PTPRG: variants seen among roughly 807,000 people sequenced by gnomAD.
PTPRG encodes the protein receptor-type tyrosine-protein phosphatase gamma.
A neutral mutation model predicts 165.3 loss-of-function variants in PTPRG; 102 were observed. That is an observed-to-expected ratio of 0.62 (90% CI 0.53 to 0.73). The LOEUF (loss-of-function observed/expected upper bound fraction) is 0.73. PTPRG is among the 30% of genes least tolerant of loss of function. The pLI is 0.00. For synonymous variants in PTPRG, 675 were observed against 669.5 expected (o/e 1.01, Z -0.13); for missense variants, 1,866 against 1,861.4 (o/e 1.00, Z -0.05).
intron 2 of PTPRG, among the ~76,000 whole-genome samples, chr3:61,801,633 G>A (rs921748110): frequency 1.3e-5 from 2 of 152,088 alleles, no homozygotes; most frequent in South Asian, 2.1e-4. Context: ...CCTCAGTGAG[G>A]GTTGGGTTCC....
intron 1 of PTPRG, among the ~76,000 whole-genome samples, chr3:61,738,450 A>T (rs944970871): frequency 2.6e-5 from 4 of 151,342 alleles, no homozygotes; most frequent in South Asian, 2.1e-4. Context: ...TCAAATACCA[A>T]AGTTAGGTGA....
chr3:62,030,748 A>C (rs7642746), intron 4 of PTPRG, among the ~76,000 whole-genome samples: 21,859 of 152,182 alleles, frequency 0.14, 1,762 homozygotes, highest in Admixed American at 0.23. Flanking sequence ...AAGTCTGAGG[A>C]TATGTGAGTC....
intron 2 of PTPRG, among the ~76,000 whole-genome samples, chr3:61,902,925 T>C (rs1170326745): frequency 6.6e-6 from 1 of 151,794 alleles, no homozygotes. Flanking sequence ...ACTAGGAGAG[T>C]CGCCCCTCAA....
At chr3:61,786,059 A>G (rs969359893) in intron 2 of PTPRG, among the ~76,000 whole-genome samples, 2 of 152,182 alleles carry the variant, frequency 1.3e-5, no homozygotes, top group African/African-American at 4.8e-5. Flanking sequence ...ACCTTAAATG[A>G]ACATCATGTG....
chr3:61,673,613 A>G lies in PTPRG; in HGVS notation c.86-75265A>G, dbSNP rs138724977. 5.6e-3 allele frequency among the ~76,000 whole-genome samples: 857 copies of G among 152,328 alleles called. 9 individuals carry two copies. The highest frequency in any genetic ancestry group is 0.019 in the African/African-American group (794 of 41,552). On this transcript the variant is annotated intron_variant, in intron 1 of 29. Coordinates refer to ENST00000474889, the MANE Select transcript of PTPRG (RefSeq NM_002841.4). ...CTAGTTTATTATTACTGTTTGTATA[A>G]ATCTATGCAAGTACAAGTGCAATTG... is the stretch of plus-strand genomic sequence containing the variant.
At chr3:61,697,592 A>G (rs1191644743) in intron 1 of PTPRG, among the ~76,000 whole-genome samples, 11 of 152,352 alleles carry the variant, frequency 7.2e-5, no homozygotes, top group Admixed American at 5.9e-4. Flanking sequence ...CTTTATCTGC[A>G]TAATAAGATA....
rs116414585 is a variant in PTPRG, at chr3:62,030,459, T to C, written c.519+26962T>C. Reference sequence around the variant, plus strand: ...TTAATGAATGCTACATTTGCATAAATTGAAAGTTTCATTCTATGGACTTAT... The same window carrying C: ...TTAATGAATGCTACATTTGCATAAACTGAAAGTTTCATTCTATGGACTTAT... On this transcript the variant is annotated intron_variant, in intron 4 of 29. Transcript: ENST00000474889. Among the ~76,000 whole-genome samples the C allele has an allele frequency of 8.9e-3, 1,354 of 152,294 alleles. 23 individuals are homozygous for C. The highest frequency in any genetic ancestry group is 0.031 in the African/African-American group (1,307 of 41,556).
At chr3:61,624,469 T>A (rs1407454709) in intron 1 of PTPRG, among the ~76,000 whole-genome samples, 1 of 152,204 alleles carries the variant, frequency 6.6e-6, no homozygotes, top group Non-Finnish European at 1.5e-5. Flanking sequence ...GCATTTTAGA[T>A]ACGAAATGTA....
intron 2 of PTPRG, among the ~76,000 whole-genome samples, chr3:61,923,148 G>A (rs1005403038): frequency 6.6e-6 from 1 of 152,136 alleles, no homozygotes. Flanking sequence ...TTAAGTTAAT[G>A]CTGTGACATA....
intron 2 of PTPRG, among the ~76,000 whole-genome samples, chr3:61,954,336 A>G (rs959205159): frequency 6.6e-6 from 1 of 152,062 alleles, no homozygotes; most frequent in Non-Finnish European, 1.5e-5. Context: ...TGGGAAATGT[A>G]TTGGTGGTAA....
intron 4 of PTPRG, among the ~76,000 whole-genome samples, chr3:62,034,599 A>G (rs1409888989): frequency 1.3e-5 from 2 of 152,218 alleles, no homozygotes; most frequent in African/African-American, 4.8e-5. Context: ...AGAGGTAGAT[A>G]TCCATTAAAA....
At chr3:62,062,676 TG>T (rs66680470) in intron 4 of PTPRG, among the ~76,000 whole-genome samples, 100,333 of 151,088 alleles carry the variant, frequency 0.66, 34,463 homozygotes, top group South Asian at 0.86. Flanking sequence ...TTTATGGCAT[TG>T]TTTTTTTTAA....
intron 2 of PTPRG, among the ~76,000 whole-genome samples, chr3:61,881,704 C>G (rs1479322090): frequency 1.3e-5 from 2 of 152,172 alleles, no homozygotes; most frequent in African/African-American, 4.8e-5. Flanking sequence ...CTCTCCTCTC[C>G]CTCCTATATA....
At chr3:61,986,872 A>G (rs559104450) in intron 2 of PTPRG, among the ~76,000 whole-genome samples, 2 of 152,266 alleles carry the variant, frequency 1.3e-5, no homozygotes, top group South Asian at 4.1e-4. Flanking sequence ...TTAAGTGTTC[A>G]TCTCTTCCCA....
intron 2 of PTPRG, chr3:61,750,773 T>C (rs544749898): frequency 2.0e-5 from 3 of 152,222 alleles, no homozygotes; most frequent in Non-Finnish European, 4.4e-5. Context: ...ATAATTTTCA[T>C]GTGTCAGGAA....
At chr3:61,614,418 C>T (rs1484537153) in intron 1 of PTPRG, among the ~76,000 whole-genome samples, 6 of 117,694 alleles carry the variant, frequency 5.1e-5, no homozygotes, top group South Asian at 2.9e-4. Context: ...TTAATAATAC[C>T]TTTTTTTTTT....
intron 2 of PTPRG, among the ~76,000 whole-genome samples, chr3:61,915,779 G>A (rs1170029849): frequency 6.6e-6 from 1 of 152,136 alleles, no homozygotes; most frequent in East Asian, 1.9e-4. Context: ...ATCACAGAGG[G>A]TAAGATTGGT....
intron 2 of PTPRG, among the ~76,000 whole-genome samples, chr3:61,757,002 G>A (rs2033655750): frequency 6.6e-6 from 1 of 152,112 alleles, no homozygotes; most frequent in Non-Finnish European, 1.5e-5. Flanking sequence ...TCTGAAACAC[G>A]TGTGCATGTC....
At chr3:61,592,409 T>C (rs1700592954) in intron 1 of PTPRG, among the ~76,000 whole-genome samples, 1 of 152,148 alleles carries the variant, frequency 6.6e-6, no homozygotes, top group African/African-American at 2.4e-5. Context: ...AATACAATGT[T>C]GGATGAGCCC....
Sources: gnomAD v4.1 joint callset for allele counts (sites outside exome capture counted in the v4.1 genomes callset) on GRCh38, gnomAD v4.1.1 for gene constraint, MANE v1.5 for transcripts, NCBI Gene and HGNC (gene_info 2026-07-23, HGNC 2026-07-21) for gene names.